Variants in XIRP2 observed in about 807,000 individuals in gnomAD.
The protein encoded by XIRP2 is xin actin-binding repeat-containing protein 2.
XIRP2 carries 236 observed loss-of-function variants against 277.0 expected under a neutral mutation model. The observed-to-expected ratio is 0.85, with a 90% CI of 0.77 to 0.95. The LOEUF (loss-of-function observed/expected upper bound fraction) is 0.95. Among genes scored for constraint, XIRP2 ranks in the 40% least tolerant of loss-of-function variants. The pLI is 0.00. For missense variants in XIRP2, 4,640 were observed against 4,157.5 expected (o/e 1.12, Z -3.19); for synonymous variants, 1,490 against 1,416.5 (o/e 1.05, Z -1.17).
chr2:167,221,163 T>C (rs1001340077), intron 5 of XIRP2, among the ~76,000 whole-genome samples: 1 of 151,978 alleles, frequency 6.6e-6, no homozygotes, highest in Non-Finnish European at 1.5e-5. Flanking sequence ...CAGAAGTCTG[T>C]AGGAAAGTAA....
intron 2 of XIRP2, among the ~76,000 whole-genome samples, chr2:166,953,071 T>C (rs1686074966): frequency 6.6e-6 from 1 of 152,002 alleles, no homozygotes; most frequent in Non-Finnish European, 1.5e-5. Context: ...AGCCTACTGG[T>C]TCTGGGGCTA....
intron 2 of XIRP2, among the ~76,000 whole-genome samples, chr2:167,007,286 G>A (rs1275037915): frequency 1.3e-5 from 2 of 151,546 alleles, no homozygotes; most frequent in Admixed American, 1.3e-4. Context: ...ATAAATTATA[G>A]AGGTGGAAAA....
intron 2 of XIRP2, among the ~76,000 whole-genome samples, chr2:166,916,711 G>A (rs748142039): frequency 5.3e-5 from 8 of 152,132 alleles, no homozygotes; most frequent in Non-Finnish European, 1.2e-4. Context: ...GTTAGAGAAT[G>A]TATTATACAG....
chr2:166,888,618 C>T (rs1684016398), intron 1 of XIRP2, 61 bp downstream of exon 1: 1 of 152,156 alleles, frequency 6.6e-6, no homozygotes. Context: ...ACATGCTTCT[C>T]TTTGATAGTT....
intron 2 of XIRP2, among the ~76,000 whole-genome samples, chr2:167,105,997 A>ATTGTTT (rs1440355159): frequency 6.6e-6 from 1 of 150,694 alleles, no homozygotes; most frequent in African/African-American, 2.4e-5. Flanking sequence ...TTCTGCTTGG[A>ATTGTTT]TTGTTTTTGT....
chr2:167,058,930 T>A (rs1456159258), intron 2 of XIRP2, among the ~76,000 whole-genome samples: 1 of 152,064 alleles, frequency 6.6e-6, no homozygotes, highest in African/African-American at 2.4e-5. Flanking sequence ...TTATAGCAAC[T>A]TATGTTTGGC....
chr2:167,203,367 A>T lies in XIRP2; in HGVS notation c.563-7368A>T, dbSNP rs1693773972. ...CGAATCCTTTTTATTACCATGAGAGATCTTCTTTTGTTAATGTATAAAGCC... is the reference window on the plus strand; with the variant it reads ...CGAATCCTTTTTATTACCATGAGAGTTCTTCTTTTGTTAATGTATAAAGCC... On this transcript the variant is annotated intron_variant, in intron 3 of 10. Transcript: ENST00000409195. Among the ~76,000 whole-genome samples, 3 of 152,194 alleles carry T rather than the reference A, an allele frequency of 2.0e-5. No individual in the cohort carries two copies. In the South Asian group the frequency reaches 6.2e-4, roughly 31 times the overall value.
intron 2 of XIRP2, among the ~76,000 whole-genome samples, chr2:166,912,329 A>G (rs1000394855): frequency 6.6e-6 from 1 of 151,644 alleles, no homozygotes; most frequent in African/African-American, 2.4e-5. Flanking sequence ...TTTTCTCTAA[A>G]CTTCTCTTCT....
rs557815125 is a variant in XIRP2 at position 166,984,881 on chromosome 2, G to A, written c.408+80991G>A. On this transcript the variant is annotated intron_variant, in intron 2 of 10. Transcript: ENST00000409195. ...TGTGTTTACAGGCTGGTGAGCTTTT[G>A]GCTTTATAAGACTCAATTTGAATTT... is the stretch of plus-strand genomic sequence containing the variant. Among the ~76,000 whole-genome samples, 22 of 152,300 alleles carry A rather than the reference G, an allele frequency of 1.4e-4. No individual in the cohort carries two copies. In the South Asian group the frequency reaches 4.6e-3, roughly 32 times the overall value.
At chr2:167,202,004 G>A (rs1296297308) in intron 3 of XIRP2, among the ~76,000 whole-genome samples, 1 of 152,008 alleles carries the variant, frequency 6.6e-6, no homozygotes, top group African/African-American at 2.4e-5. Context: ...CATCATATAT[G>A]GTTGTTATGA....
At chr2:167,189,233 C>T (rs1210813587) in intron 3 of XIRP2, among the ~76,000 whole-genome samples, 1 of 152,158 alleles carries the variant, frequency 6.6e-6, no homozygotes. Context: ...CGATATATTT[C>T]TGTCTCTCTC....
chr2:167,179,165 C>A (rs1471903396), intron 3 of XIRP2, among the ~76,000 whole-genome samples: 1 of 152,014 alleles, frequency 6.6e-6, no homozygotes, highest in Non-Finnish European at 1.5e-5. Flanking sequence ...TTTATAACTG[C>A]AATTACAATA....
At chr2:167,231,904 G>A (rs1402433752) in intron 5 of XIRP2, among the ~76,000 whole-genome samples, 1 of 151,902 alleles carries the variant, frequency 6.6e-6, no homozygotes, top group Non-Finnish European at 1.5e-5. Flanking sequence ...TGGGGCCGGT[G>A]GCAGCAACCA....
intron 1 of XIRP2, among the ~76,000 whole-genome samples, chr2:166,895,522 T>C (rs1057315277): frequency 2.0e-5 from 3 of 152,222 alleles, no homozygotes; most frequent in Non-Finnish European, 4.4e-5. Flanking sequence ...GTAAATTATA[T>C]GTAAATCAAA....
intron 5 of XIRP2, among the ~76,000 whole-genome samples, chr2:167,226,603 A>G (rs745763584): frequency 1.3e-5 from 2 of 152,170 alleles, no homozygotes; most frequent in Non-Finnish European, 2.9e-5. Flanking sequence ...TCAAGCCCCA[A>G]CAAACCATTC....
At chr2:167,203,405 T>A (rs1275950722) in intron 3 of XIRP2, among the ~76,000 whole-genome samples, 1 of 152,168 alleles carries the variant, frequency 6.6e-6, no homozygotes, top group Non-Finnish European at 1.5e-5. Flanking sequence ...AATAATCAAA[T>A]GAATGGATGG....
intron 2 of XIRP2, chr2:167,124,146 G>A (rs1003657873): frequency 1.3e-5 from 2 of 152,006 alleles, no homozygotes; most frequent in Admixed American, 6.6e-5. Context: ...AATATCATGA[G>A]AACAGATGAT....
At position 167,057,474 on chromosome 2, in the gene XIRP2, C is replaced by A. The variant is rs185304108; in HGVS notation, c.409-78435C>A. 3.0e-3 allele frequency among the ~76,000 whole-genome samples: 461 copies of A among 152,228 alleles called. 2 individuals carry two copies. Among genetic ancestry groups the A allele is most frequent in the African/African-American group, 0.011 (443 of 41,540 alleles). The stretch of plus-strand genomic sequence containing the variant: ...TTTGGCAGACATAGAATGCTGAGGT[C>A]CGGAAACACTTGGGTTACACATGCA... On this transcript the variant is annotated intron_variant, in intron 2 of 10. Transcript: ENST00000409195.
rs1484466507 is a variant in XIRP2 at position 167,258,903 on chromosome 2, G to GAGC, written c.*1090_*1092dup. 1 of 1,613,042 alleles carries GAGC rather than the reference G, an allele frequency of 6.2e-7. No homozygotes were observed. The highest frequency in any genetic ancestry group is 8.5e-7 in the Non-Finnish European group (1 of 1,179,602). On this transcript the variant is annotated 3_prime_UTR_variant, in exon 11 of 11. Transcript: ENST00000409195. ...ATGGCTCTGAAGAAACAGACTGACA[G>GAGC]AGCAGCTGCTGGCAGTCCTGTGCAG...
Sources: gnomAD v4.1 joint callset for allele counts (sites outside exome capture counted in the v4.1 genomes callset) on GRCh38, gnomAD v4.1.1 for gene constraint, MANE v1.5 for transcripts, NCBI Gene and HGNC (gene_info 2026-07-23, HGNC 2026-07-21) for gene names.